TRMT10B: variants seen among roughly 807,000 people sequenced by gnomAD.
The protein encoded by TRMT10B is tRNA methyltransferase 10 homolog B.
TRMT10B carries 33 observed loss-of-function variants against 43.8 expected under a neutral mutation model. The ratio of observed to expected loss-of-function variants is 0.75; its 90% confidence interval spans 0.57 to 1.01. The LOEUF (loss-of-function observed/expected upper bound fraction) is 1.01. Ranked by LOEUF, TRMT10B falls within the 50% of genes least tolerant of loss-of-function variation. The pLI, the probability that TRMT10B is intolerant of heterozygous loss-of-function variation, is 0.00. For synonymous variants in TRMT10B, 137 were observed against 130.6 expected (o/e 1.05, Z -0.34); for missense variants, 362 against 369.8 (o/e 0.98, Z 0.17).
At chr9:37,773,273 AATTTTT>A (rs970194669) in intron 7 of TRMT10B, among the ~76,000 whole-genome samples, 15 of 126,036 alleles carry the variant, frequency 1.2e-4, no homozygotes, top group Non-Finnish European at 1.8e-5. Context: ...ATGGCCAGCT[AATTTTT>A]TTTTTTTTTT....
At position 37,770,019 on chromosome 9, in the gene TRMT10B, G is replaced by A. The variant is rs547723796; in HGVS notation, c.652G>A (p.Ala218Thr). Residue 218 changes from alanine (A) to threonine (T), a missense_variant and splice_region_variant, in exon 6 of 9, where the codon GCT (alanine) becomes ACT (threonine). Transcript: ENST00000297994. ...LVYLTPDSEH[A>T]LEDVDLNKVY... ...GTACCTGACTCCTGACTCAGAACAC[G>A]GTATGTAGTTGAATGCATGGATTCG... 1.4e-5 allele frequency: 22 copies of A among 1,611,418 alleles called. 1 individual carries two copies. Among genetic ancestry groups the A allele is most frequent in the Middle Eastern group, 1.6e-4 (1 of 6,076 alleles).
chr9:37,764,233 C>T (rs190636444), intron 4 of TRMT10B, among the ~76,000 whole-genome samples: 1 of 151,908 alleles, frequency 6.6e-6, no homozygotes, highest in African/African-American at 2.4e-5. Context: ...ACTGCAACCT[C>T]TGCTTCCTGG....
intron 1 of TRMT10B, among the ~76,000 whole-genome samples, chr9:37,754,227 C>T (rs1307511816): frequency 1.3e-5 from 2 of 152,200 alleles, no homozygotes; most frequent in African/African-American, 2.4e-5. Context: ...GCAAACAACA[C>T]TTGCCTACAT....
chr9:37,770,705 T>G lies in TRMT10B; in HGVS notation c.686T>G (p.Ile229Ser). ...GATGTTGATCTAAACAAAGTTTACA[T>G]CCTCGGTGGGCTTGTGGATGAAAGC... ...LEDVDLNKVYILGGLVDESIQ... is the reference protein window; with the variant it reads ...LEDVDLNKVYSLGGLVDESIQ... Residue 229 changes from isoleucine (I) to serine (S), a missense_variant, in exon 7 of 9, where the codon ATC becomes AGC. Physicochemically the swap from Ile to Ser is moderately radical, Grantham distance 142. Transcript: ENST00000297994. The G allele has an allele frequency of 6.2e-7, 1 of 1,614,072 alleles. No homozygotes were observed. The highest frequency in any genetic ancestry group is 2.2e-5 in the East Asian group (1 of 44,884).
chr9:37,765,395 A>G (rs1387847351), intron 4 of TRMT10B, among the ~76,000 whole-genome samples: 1 of 152,174 alleles, frequency 6.6e-6, no homozygotes, highest in East Asian at 1.9e-4. Context: ...GATAGTTTCC[A>G]GCTTCATCCA....
chr9:37,762,066 C>CG lies in TRMT10B; in HGVS notation c.136dup (p.Glu46GlyfsTer99). On this transcript the variant is annotated frameshift_variant, in exon 2 of 9. Transcript: ENST00000297994. LOFTEE classifies it high-confidence loss of function. ...AGCTTCTGCAGATCGATGCGGAAGG[C>CG]GAGTGCCAGGAGGGAGAGATCCTGG... 2 of 1,613,960 alleles carry CG rather than the reference C, an allele frequency of 1.2e-6. No homozygotes were observed. Among genetic ancestry groups the CG allele is most frequent in the Non-Finnish European group, 1.7e-6 (2 of 1,179,980 alleles).
At chr9:37,754,475 C>T (rs562540049) in intron 1 of TRMT10B, among the ~76,000 whole-genome samples, 2 of 152,238 alleles carry the variant, frequency 1.3e-5, no homozygotes, top group South Asian at 2.1e-4. Context: ...TGGATTTGGG[C>T]TATTTACTGT....
In TRMT10B at chr9:37,776,357, A is replaced by C. The variant is rs1239893873; in HGVS notation, c.796A>C (p.Asn266His). 6.2e-7 allele frequency: 1 copy of C among 1,612,690 alleles called. No homozygotes were observed. Among genetic ancestry groups the C allele is most frequent in the Non-Finnish European group, 8.5e-7 (1 of 1,179,324 alleles). The change falls in exon 8 of 9, where the codon AAC becomes CAC. Residue 266 changes from asparagine to histidine, a missense_variant. Coordinates refer to ENST00000297994, the MANE Select transcript of TRMT10B (RefSeq NM_144964.4). ...RLPIQEYMVR[N>H]QNGKNYHSEI... ...GCCAATCCAGGAATACATGGTCAGA[A>C]ACCAGAATGGGAAAAACTATCATTC...
At chr9:37,753,791 AGGCCGG>A (rs569651336), upstream of TRMT10B, 1 of 151,840 alleles carries the variant, frequency 6.6e-6, no homozygotes, top group East Asian at 1.9e-4. Flanking sequence ...AGCGGAAGCG[AGGCCGG>A]GGGCGGGGGG....
At chr9:37,774,297 T>C (rs528664870) in intron 7 of TRMT10B, among the ~76,000 whole-genome samples, 2 of 152,224 alleles carry the variant, frequency 1.3e-5, no homozygotes, top group African/African-American at 4.8e-5. Context: ...CCACGGTGCC[T>C]GGCCAACAGT....
chr9:37,762,271 A>G (rs1826430935), intron 2 of TRMT10B, among the ~76,000 whole-genome samples, 154 bp downstream of exon 2: 1 of 152,230 alleles, frequency 6.6e-6, no homozygotes, highest in Non-Finnish European at 1.5e-5. Flanking sequence ...TTAAAGTTTT[A>G]GTTCCATTTG....
At chr9:37,763,598 CT>C in intron 3 of TRMT10B, 30 bp from the exon 4 acceptor site, 1 of 1,596,620 alleles carries the variant, frequency 6.3e-7, no homozygotes, top group Non-Finnish European at 8.6e-7. Context: ...TGGTTTTCCA[CT>C]TTTATTTCTT....
intron 1 of TRMT10B, among the ~76,000 whole-genome samples, chr9:37,759,189 C>G (rs1283044536): frequency 6.6e-6 from 1 of 152,190 alleles, no homozygotes; most frequent in Non-Finnish European, 1.5e-5. Context: ...AAAAACACAT[C>G]TATGAAAATG....
intron 5 of TRMT10B, 89 bp from the exon 6 acceptor site, chr9:37,769,852 C>A: frequency 2.0e-6 from 2 of 1,001,782 alleles, no homozygotes; most frequent in Non-Finnish European, 3.2e-6. Context: ...ATCCTTCCAC[C>A]TTAGCCTCCC....
rs150337228 is a variant in TRMT10B, at chr9:37,759,320, G to A, written c.-29-2583G>A. On this transcript the variant is annotated intron_variant, in intron 1 of 8. Transcript: ENST00000297994. ...AATAAAAAAGCAACTACTGATACAT[G>A]CAGCAACATGTATAAGTCTCAAATA... 4.9e-3 allele frequency among the ~76,000 whole-genome samples: 750 copies of A among 152,316 alleles called. 7 individuals carry two copies. Among genetic ancestry groups the A allele is most frequent in the South Asian group, 0.029 (140 of 4,830 alleles).
intron 7 of TRMT10B, among the ~76,000 whole-genome samples, chr9:37,775,696 G>A (rs574762096): frequency 2.4e-4 from 36 of 152,124 alleles, no homozygotes; most frequent in African/African-American, 7.9e-4. Context: ...AGCACACCCT[G>A]TTAATTTTTT....
In TRMT10B at chr9:37,756,379, T is replaced by G. The variant is rs956372645; in HGVS notation, c.-30+2527T>G. 2.0e-5 allele frequency among the ~76,000 whole-genome samples: 3 copies of G among 151,548 alleles called. No individual in the cohort carries two copies. The East Asian group carries it at 5.8e-4, about 29-fold the overall frequency. On this transcript the variant is annotated intron_variant, in intron 1 of 8. Transcript: ENST00000297994. ...AGTCTGTTCATTCATCTAAAAGAAC[T>G]GTCATAATGGGGGTCTAGATATCTT...
intron 6 of TRMT10B, 39 bp from the exon 7 acceptor site, chr9:37,770,633 A>G: frequency 6.4e-7 from 1 of 1,557,684 alleles, no homozygotes; most frequent in South Asian, 1.1e-5. Flanking sequence ...AGAAATTATA[A>G]AACAGATTTG....
At chr9:37,757,592 C>T (rs1825857463) in intron 1 of TRMT10B, among the ~76,000 whole-genome samples, 1 of 152,184 alleles carries the variant, frequency 6.6e-6, no homozygotes, top group East Asian at 1.9e-4. Context: ...ACTTGGTCAT[C>T]TTCAGGAATA....
Sources: gnomAD v4.1 joint callset for allele counts (sites outside exome capture counted in the v4.1 genomes callset) on GRCh38, gnomAD v4.1.1 for gene constraint, MANE v1.5 for transcripts, NCBI Gene and HGNC (gene_info 2026-07-23, HGNC 2026-07-21) for gene names.